The following RAC1 variants were observed in gnomAD, a reference collection of about 807,000 sequenced individuals.
The protein encoded by RAC1 is Rac family small GTPase 1.
A neutral mutation model predicts 25.2 loss-of-function variants in RAC1; 2 were observed. The ratio of observed to expected loss-of-function variants is 0.08; its 90% CI spans 0.03 to 0.25. The LOEUF (loss-of-function observed/expected upper bound fraction) is 0.25. RAC1 is among the 10% of genes least tolerant of loss of function. The pLI, the probability that RAC1 is intolerant of heterozygous loss-of-function variation, is 1.00. For synonymous variants in RAC1, 88 were observed against 94.0 expected (o/e 0.94, Z 0.37); for missense variants, 50 against 235.7 (o/e 0.21, Z 5.16).
At chr7:6,385,273 T>C (rs1158892241) in intron 1 of RAC1, among the ~76,000 whole-genome samples, 1 of 152,226 alleles carries the variant, frequency 6.6e-6, no homozygotes, top group Non-Finnish European at 1.5e-5. Context: ...CATTGATACA[T>C]CTTTAGCACC....
intron 1 of RAC1, among the ~76,000 whole-genome samples, chr7:6,375,068 G>A (rs894100205): frequency 1.3e-5 from 2 of 152,040 alleles, no homozygotes; most frequent in East Asian, 1.9e-4. Flanking sequence ...CGCCCTCCTC[G>A]GGAGCGCTCG....
intron 1 of RAC1, among the ~76,000 whole-genome samples, chr7:6,385,695 A>C (rs1488487851): frequency 6.6e-6 from 1 of 152,236 alleles, no homozygotes; most frequent in East Asian, 1.9e-4. Flanking sequence ...AATATTGGCA[A>C]GACTGGCTGG....
intron 2 of RAC1, among the ~76,000 whole-genome samples, chr7:6,388,387 C>T (rs1270672960): frequency 7.0e-6 from 1 of 143,466 alleles, no homozygotes; most frequent in East Asian, 2.1e-4. Context: ...TCTCTCTTGC[C>T]CAGGATGGAG....
At chr7:6,377,624 T>TACGTCTTTGGCCGGGC (rs1181564052) in intron 1 of RAC1, among the ~76,000 whole-genome samples, 2 of 151,572 alleles carry the variant, frequency 1.3e-5, no homozygotes, top group African/African-American at 4.9e-5. Context: ...CTATTAGAGA[T>TACGTCTTTGGCCGGGC]ACGTCTTTGG....
chr7:6,390,571 G>C (rs1270028178), intron 2 of RAC1, among the ~76,000 whole-genome samples: 1 of 151,516 alleles, frequency 6.6e-6, no homozygotes, highest in Non-Finnish European at 1.5e-5. Context: ...CTGCACTCCA[G>C]CCTGGGTGAC....
At chr7:6,398,630 T>G (rs2115211844) in intron 3 of RAC1, 1 of 1,602,046 alleles carries the variant, frequency 6.2e-7, no homozygotes, top group East Asian at 2.2e-5. Flanking sequence ...CAGTCTGTAC[T>G]AAACTCAAAC....
intron 2 of RAC1, among the ~76,000 whole-genome samples, chr7:6,390,874 A>C (rs1432216894): frequency 6.6e-6 from 1 of 152,106 alleles, no homozygotes; most frequent in African/African-American, 2.4e-5. Context: ...TAACATGTCC[A>C]TCACCATCAC....
chr7:6,383,159 A>G (rs1398076232), intron 1 of RAC1, among the ~76,000 whole-genome samples: 1 of 152,158 alleles, frequency 6.6e-6, no homozygotes. Flanking sequence ...ACTACCAGAA[A>G]TTCTCCAGCA....
At chr7:6,398,774 A>G in intron 3 of RAC1, 1 of 1,532,232 alleles carries the variant, frequency 6.5e-7, no homozygotes, top group Non-Finnish European at 9.0e-7. Context: ...CTCTCATTTC[A>G]CTTCGTTTTC....
At chr7:6,385,654 G>C (rs141307602) in intron 1 of RAC1, among the ~76,000 whole-genome samples, 1 of 152,162 alleles carries the variant, frequency 6.6e-6, no homozygotes. Flanking sequence ...TCCAACTTTT[G>C]TTAAGCCCTC....
At chr7:6,382,740 G>A (rs1782806162) in intron 1 of RAC1, among the ~76,000 whole-genome samples, 1 of 152,166 alleles carries the variant, frequency 6.6e-6, no homozygotes, top group African/African-American at 2.4e-5. Context: ...GGATGTGGTG[G>A]TGCTTACGTG....
intron 3 of RAC1, among the ~76,000 whole-genome samples, chr7:6,393,485 C>T (rs1783146864): frequency 6.6e-6 from 1 of 152,106 alleles, no homozygotes; most frequent in Admixed American, 6.5e-5. Flanking sequence ...AGGAAGGCCT[C>T]ACAGTAAGTC....
intron 3 of RAC1, among the ~76,000 whole-genome samples, chr7:6,399,402 G>A (rs1783337151): frequency 6.6e-6 from 1 of 152,330 alleles, no homozygotes; most frequent in African/African-American, 2.4e-5. Context: ...TTTAAATACA[G>A]GTGAATATTT....
At chr7:6,380,853 T>C (rs1461913630) in intron 1 of RAC1, among the ~76,000 whole-genome samples, 1 of 152,108 alleles carries the variant, frequency 6.6e-6, no homozygotes, top group African/African-American at 2.4e-5. Context: ...AGGAGTTGAT[T>C]TTGTTTTTTG....
chr7:6,389,168 C>G (rs1441987832), intron 2 of RAC1, among the ~76,000 whole-genome samples: 2 of 150,468 alleles, frequency 1.3e-5, no homozygotes, highest in African/African-American at 2.4e-5. Context: ...TGCCACTGCA[C>G]TTCAGCCTGG....
intron 3 of RAC1, among the ~76,000 whole-genome samples, chr7:6,398,471 G>C (rs1036660211): frequency 6.6e-6 from 1 of 152,198 alleles, no homozygotes; most frequent in African/African-American, 2.4e-5. Context: ...CTTAACGCCT[G>C]CTTTTGACCA....
chr7:6,378,789 C>G (rs1782679707), intron 1 of RAC1, among the ~76,000 whole-genome samples: 1 of 151,880 alleles, frequency 6.6e-6, no homozygotes. Flanking sequence ...TCAGCTTTTC[C>G]TAGGTAAGAC....
intron 1 of RAC1, among the ~76,000 whole-genome samples, chr7:6,384,142 T>TTG (rs930637763): frequency 1.5e-4 from 23 of 152,016 alleles, no homozygotes; most frequent in African/African-American, 4.1e-4. Flanking sequence ...AGGCTCCACT[T>TTG]TCTTCCTCAG....
intron 3 of RAC1, 57 bp from the exon 4 acceptor site, chr7:6,400,069 T>C: frequency 6.8e-7 from 1 of 1,468,216 alleles, no homozygotes; most frequent in Non-Finnish European, 9.5e-7. Flanking sequence ...GAAAGCAAAG[T>C]GCATGCTTCA....
Sources: gnomAD v4.1 joint callset for allele counts (sites outside exome capture counted in the v4.1 genomes callset) on GRCh38, gnomAD v4.1.1 for gene constraint, MANE v1.5 for transcripts, NCBI Gene and HGNC (gene_info 2026-07-23, HGNC 2026-07-21) for gene names.